Variants in FREM3 observed in about 807,000 individuals in gnomAD.
FREM3 encodes the protein FRAS1 related extracellular matrix 3, also known as FRAS1-related extracellular matrix protein 3.
Under a neutral mutation model 129.1 loss-of-function variants are expected in FREM3, and 105 were observed. That is an observed-to-expected ratio of 0.81 (90% confidence interval 0.69 to 0.96). The LOEUF (loss-of-function observed/expected upper bound fraction) is 0.96, where lower values mean the gene tolerates loss of function less well. Among genes scored for constraint, FREM3 ranks in the 40% least tolerant of loss-of-function variants. FREM3 has a pLI of 0.00. For synonymous variants in FREM3, 1,014 were observed against 1,044.9 expected (o/e 0.97, Z 0.57); for missense variants, 2,593 against 2,666.3 (o/e 0.97, Z 0.61).
rs1738229741 is a variant in FREM3, at chr4:143,585,740, T to G, written c.6178+104A>C. ...GTGCTGAAGCCAGAGAAACTTTCAT[T>G]CAGAGTCCATCAACAAAGACTAAGC... On this transcript the variant is annotated intron_variant, in intron 7 of 7. Transcript: ENST00000329798. This position sits in a 1 kb window ranked among gnomAD's most constrained non-coding sequence, Gnocchi z 4.2. 1 of 1,178,596 alleles carries G rather than the reference T, an allele frequency of 8.5e-7. No homozygotes were observed. Among genetic ancestry groups the G allele is most frequent in the Non-Finnish European group, 1.2e-6 (1 of 860,258 alleles). The allele number at this position is 1,178,596 out of a possible 1,614,324, so 73.0% of individuals were successfully genotyped here. A position where few individuals can be genotyped will look rare whatever the true frequency, so the allele number is the denominator to read the frequency against.
intron 2 of FREM3, among the ~76,000 whole-genome samples, chr4:143,681,281 A>T (rs1740243594): frequency 6.6e-6 from 1 of 152,084 alleles, no homozygotes. Flanking sequence ...CTCCTATAAA[A>T]CACTTTATTG....
chr4:143,687,978 C>T (rs1463467186), intron 2 of FREM3, among the ~76,000 whole-genome samples: 7 of 152,180 alleles, frequency 4.6e-5, no homozygotes, highest in Non-Finnish European at 1.0e-4. Flanking sequence ...ACTCTCACCA[C>T]TCCTCTTCAA....
intron 6 of FREM3, among the ~76,000 whole-genome samples, chr4:143,587,741 G>A (rs374235163): frequency 4.2e-5 from 2 of 47,218 alleles, no homozygotes; most frequent in Admixed American, 6.0e-4. Context: ...TGTTTATCAT[G>A]GGCACTTCTG....
chr4:143,598,216 G>C (rs1738516312), intron 6 of FREM3, among the ~76,000 whole-genome samples: 1 of 152,240 alleles, frequency 6.6e-6, no homozygotes, highest in African/African-American at 2.4e-5. Flanking sequence ...GGTTGCATCA[G>C]TGGTCTGAGG....
At chr4:143,591,813 C>T (rs6833406) in intron 6 of FREM3, among the ~76,000 whole-genome samples, 130,471 of 152,128 alleles carry the variant, frequency 0.86, 55,992 homozygotes, top group Admixed American at 0.9. Context: ...TTCTGTCTCA[C>T]TGATCTGTCT....
chr4:143,699,700 T>C lies in FREM3; in HGVS notation c.976A>G (p.Thr326Ala). 3 of 1,521,094 alleles carry C rather than the reference T, an allele frequency of 2.0e-6. 1 individual carries two copies. The highest frequency in any genetic ancestry group is 2.4e-5 in the South Asian group (2 of 81,668). The allele number at this position is 1,521,094 out of a possible 1,614,324, so 94.2% of individuals were successfully genotyped here. Residue 326 changes from threonine to alanine, a missense_variant, in exon 1 of 8, where the codon ACG (threonine) becomes GCG (alanine). Around this residue, in one of 2 missense-constraint regions of FREM3, gnomAD observed 2,276 missense variants for 2,267.2 expected, o/e 1.00. Coordinates refer to ENST00000329798, the MANE Select transcript of FREM3 (RefSeq NM_001168235.2). The surrounding 1 kb of genome is among the most constrained non-coding windows in gnomAD (Gnocchi z 4.2). ...EVDPLVLTALTPDALAAEDVE... is the reference protein window; with the variant it reads ...EVDPLVLTALAPDALAAEDVE... ...TCCTCCGCGGCCAGTGCGTCAGGCGTCAGGGCTGTCAGCACCAGTGGATCC... is the reference window on the plus strand; with the variant it reads ...TCCTCCGCGGCCAGTGCGTCAGGCGCCAGGGCTGTCAGCACCAGTGGATCC...
intron 7 of FREM3, among the ~76,000 whole-genome samples, chr4:143,581,717 C>T (rs1738146752): frequency 6.6e-6 from 1 of 152,124 alleles, no homozygotes; most frequent in Non-Finnish European, 1.5e-5. Context: ...GAGACCCCAA[C>T]CCCCTGCTCT....
At position 143,700,373 on chromosome 4, in the gene FREM3, G is replaced by C; in HGVS notation, c.303C>G (p.Asp101Glu). The C allele has an allele frequency of 6.5e-7, 1 of 1,535,170 alleles. No individual in the cohort carries two copies. The highest frequency in any genetic ancestry group is 8.7e-7 in the Non-Finnish European group (1 of 1,146,250). Residue 101 changes from aspartate (D) to glutamate (E), a missense_variant, in exon 1 of 8, where the codon GAC becomes GAG. Physicochemically the swap from Asp to Glu is conservative, Grantham distance 45 (BLOSUM62 2). Transcript: ENST00000329798. ...PGDRCEVTVL[D>E]ALPRLKGALS... The stretch of plus-strand genomic sequence containing the variant: ...GCGCGCCCTTGAGCCGCGGCAGGGC[G>C]TCCAGTACCGTGACTTCGCACCGGT...
At chr4:143,661,601 T>C (rs11732368) in intron 2 of FREM3, among the ~76,000 whole-genome samples, 151,602 of 151,930 alleles carry the variant, frequency 1, 75,639 homozygotes, top group Middle Eastern at 1. Flanking sequence ...ATGCTGGCCT[T>C]ATAAAATGAG....
intron 6 of FREM3, among the ~76,000 whole-genome samples, chr4:143,602,307 A>G (rs1399866787): frequency 2.0e-5 from 3 of 152,222 alleles, no homozygotes; most frequent in Non-Finnish European, 4.4e-5. Context: ...TCGAATTAAC[A>G]GAATTATCAT....
At chr4:143,659,641 C>A (rs1293091401) in intron 2 of FREM3, among the ~76,000 whole-genome samples, 14 of 114,822 alleles carry the variant, frequency 1.2e-4, no homozygotes, top group Non-Finnish European at 1.9e-4. Context: ...GTTCTAGATC[C>A]CTGAGGAATC....
Position 143,698,303 on chromosome 4 carries a change from C to T in FREM3, c.2373G>A (p.Gln791=), listed in dbSNP as rs1740620064. 2 of 1,537,734 alleles carry T rather than the reference C, an allele frequency of 1.3e-6. No individual in the cohort carries two copies. Among genetic ancestry groups the T allele is most frequent in the Non-Finnish European group, 1.7e-6 (2 of 1,147,028 alleles). ...NQHKVAYQPP[Q]KLGIAPRVVQ... is the part of the protein sequence containing the mutation. The stretch of plus-strand genomic sequence containing the variant: ...CAACCCGTGGTGCAATACCCAATTT[C>T]TGTGGAGGCTGGTAGGCAACTTTAT... The change falls in exon 1 of 8, where the codon CAG becomes CAA. Residue 791 remains glutamine (Q), a synonymous_variant. Transcript: ENST00000329798.
At chr4:143,667,476 G>T (rs111615393) in intron 2 of FREM3, among the ~76,000 whole-genome samples, 3 of 151,804 alleles carry the variant, frequency 2.0e-5, no homozygotes, top group Non-Finnish European at 4.4e-5. Context: ...TCAAATAATC[G>T]TTGAACTCCA....
chr4:143,613,733 G>A (rs1051845017), intron 5 of FREM3, among the ~76,000 whole-genome samples: 3 of 152,196 alleles, frequency 2.0e-5, no homozygotes, highest in Non-Finnish European at 4.4e-5. Flanking sequence ...TAGCCATCAA[G>A]TGTGCATTAT....
chr4:143,699,170 T>A lies in FREM3; in HGVS notation c.1506A>T (p.Arg502=). The A allele has an allele frequency of 6.5e-7, 1 of 1,537,322 alleles. No individual in the cohort carries two copies. Among genetic ancestry groups the A allele is most frequent in the Non-Finnish European group, 8.7e-7 (1 of 1,146,924 alleles). The change falls in exon 1 of 8, where the codon CGA becomes CGT. Residue 502 remains arginine, a synonymous_variant. Coordinates refer to ENST00000329798, the MANE Select transcript of FREM3 (RefSeq NM_001168235.2). The surrounding 1 kb of genome is among the most constrained non-coding windows in gnomAD (Gnocchi z 4.2). ...YFTPADLAAG[R]VVYQHDGSNT... ...TGCTGCCATCATGCTGATACACCAC[T>A]CGCCCTGCTGCCAGGTCCGCTGGTG...
At chr4:143,673,805 C>G (rs1017894777) in intron 2 of FREM3, among the ~76,000 whole-genome samples, 7 of 152,236 alleles carry the variant, frequency 4.6e-5, no homozygotes, top group Admixed American at 2.6e-4. Flanking sequence ...TTGCCCCTCC[C>G]GCAGCCTCGC....
At chr4:143,660,823 G>C (rs1739701019) in intron 2 of FREM3, among the ~76,000 whole-genome samples, 1 of 152,080 alleles carries the variant, frequency 6.6e-6, no homozygotes, top group African/African-American at 2.4e-5. Flanking sequence ...TGGATTCCTA[G>C]GTATTTTATT....
chr4:143,602,189 A>C (rs1011841528), intron 6 of FREM3, among the ~76,000 whole-genome samples: 8 of 152,210 alleles, frequency 5.3e-5, no homozygotes, highest in African/African-American at 1.9e-4. Flanking sequence ...TTTCTCAAAT[A>C]GTCAATTTTG....
At chr4:143,663,170 T>G (rs1739774865) in intron 2 of FREM3, among the ~76,000 whole-genome samples, 1 of 152,170 alleles carries the variant, frequency 6.6e-6, no homozygotes, top group Non-Finnish European at 1.5e-5. Flanking sequence ...TGCAGTTTCT[T>G]CCTAGTCTTG....
Sources: allele counts gnomAD v4.1 joint callset (sites outside exome capture counted in the v4.1 genomes callset), GRCh38; gene constraint gnomAD v4.1.1; regional missense constraint gnomAD v4.1.1; non-coding constraint Gnocchi (gnomAD v3.1); transcripts MANE v1.5; gene names NCBI Gene and HGNC (gene_info 2026-07-23, HGNC 2026-07-21).